The following GALNT18 variants were observed in gnomAD, a reference collection of about 807,000 sequenced individuals.
The protein encoded by GALNT18 is GalNAc-transferase 18.
In GALNT18, 44 loss-of-function variants were observed where a neutral mutation model predicts 69.5. The observed-to-expected ratio is 0.63, with a 90% confidence interval of 0.50 to 0.81. The LOEUF (loss-of-function observed/expected upper bound fraction) is 0.81, where lower values mean the gene tolerates loss of function less well. Among genes scored for constraint, GALNT18 ranks in the 40% least tolerant of loss-of-function variants. The pLI is 0.00. For synonymous variants in GALNT18, 364 were observed against 318.2 expected (o/e 1.14, Z -1.53); for missense variants, 715 against 810.0 (o/e 0.88, Z 1.42).
chr11:11,428,142 G>A (rs1032081738), intron 3 of GALNT18, among the ~76,000 whole-genome samples: 1 of 152,222 alleles, frequency 6.6e-6, no homozygotes, highest in East Asian at 1.9e-4. Flanking sequence ...AAACATGAAA[G>A]TCTTGCACTG....
chr11:11,415,346 G>A lies in GALNT18; in HGVS notation c.595+17275C>T, dbSNP rs1367814404. On this transcript the variant is annotated intron_variant, in intron 3 of 10. Coordinates refer to ENST00000227756, the MANE Select transcript of GALNT18 (RefSeq NM_198516.3). The surrounding 1 kb of genome is among the most constrained non-coding windows in gnomAD (Gnocchi z 4.1). ...CAGGAATCAGGGCTGGGAAGGGTGG[G>A]GGATGACTTAGAATTCTGCCCACAC... Among the ~76,000 whole-genome samples, 1 of 152,100 alleles carries A rather than the reference G, an allele frequency of 6.6e-6. No homozygotes were observed. The highest frequency in any genetic ancestry group is 1.5e-5 in the Non-Finnish European group (1 of 68,008).
At chr11:11,512,810 C>T (rs1236603143) in intron 1 of GALNT18, among the ~76,000 whole-genome samples, 1 of 152,164 alleles carries the variant, frequency 6.6e-6, no homozygotes, top group African/African-American at 2.4e-5. Context: ...ATCACATGGA[C>T]ACCAGGACAC....
intron 1 of GALNT18, among the ~76,000 whole-genome samples, chr11:11,503,716 C>T (rs764792916): frequency 2.0e-4 from 30 of 152,228 alleles, no homozygotes; most frequent in Non-Finnish European, 4.1e-4. Context: ...GAGAAAGCTT[C>T]GCCACCTTCT....
In GALNT18 at chr11:11,592,213, G is replaced by A. The variant is rs371579381; in HGVS notation, c.235+29146C>T. The stretch of plus-strand genomic sequence containing the variant: ...CATCATCAATCTGTCTCTGGCAGGC[G>A]TTTTTCTATTTAATGACTCTAAAGA... On this transcript the variant is annotated intron_variant, in intron 1 of 10. Transcript: ENST00000227756. This position sits in a 1 kb window ranked among gnomAD's most constrained non-coding sequence, Gnocchi z 5.9. Among the ~76,000 whole-genome samples the A allele has an allele frequency of 6.6e-6, 1 of 152,042 alleles. No individual in the cohort carries two copies. Among genetic ancestry groups the A allele is most frequent in the Non-Finnish European group, 1.5e-5 (1 of 68,020 alleles).
rs953384849 is a variant in GALNT18 at position 11,465,836 on chromosome 11, G to T, written c.236-16900C>A. On this transcript the variant is annotated intron_variant, in intron 1 of 10. Coordinates refer to ENST00000227756, the MANE Select transcript of GALNT18 (RefSeq NM_198516.3). This position sits in a 1 kb window ranked among gnomAD's most constrained non-coding sequence, Gnocchi z 5.7. ...GTACTCAGCTATCTCTAGGGGAGGG[G>T]CTTGCACTGTCATACTGCTGAGTAC... Among the ~76,000 whole-genome samples the T allele has an allele frequency of 1.3e-5, 2 of 152,126 alleles. No homozygotes were observed. Among genetic ancestry groups the T allele is most frequent in the African/African-American group, 4.8e-5 (2 of 41,424 alleles).
At chr11:11,276,520 G>T (rs1355321596) in intron 10 of GALNT18, among the ~76,000 whole-genome samples, 1 of 152,104 alleles carries the variant, frequency 6.6e-6, no homozygotes, top group Non-Finnish European at 1.5e-5. Flanking sequence ...TGAATATCCT[G>T]TATTTCTTTC....
intron 1 of GALNT18, among the ~76,000 whole-genome samples, chr11:11,567,239 A>G (rs10765865): frequency 0.93 from 142,191 of 152,222 alleles, 66,463 homozygotes; most frequent in East Asian, 0.99. Context: ...GACAAAGGTT[A>G]GCAGCAACAC....
At position 11,603,090 on chromosome 11, in the gene GALNT18, G is replaced by A. The variant is rs1194846060; in HGVS notation, c.235+18269C>T. 9.2e-5 allele frequency among the ~76,000 whole-genome samples: 14 copies of A among 152,206 alleles called. No homozygotes were observed. Among genetic ancestry groups the A allele is most frequent in the Admixed American group, 9.2e-4 (14 of 15,280 alleles). On this transcript the variant is annotated intron_variant, in intron 1 of 10. Coordinates refer to ENST00000227756, the MANE Select transcript of GALNT18 (RefSeq NM_198516.3). This position sits in a 1 kb window ranked among gnomAD's most constrained non-coding sequence, Gnocchi z 4.5. ...GGCTGGTACAAAGTCTTCTTTGAAA[G>A]GAGGCAATTCTAAGTTATGTCTTCC...
At position 11,432,205 on chromosome 11, in the gene GALNT18, A is replaced by G. The variant is rs1321893215; in HGVS notation, c.595+416T>C. Among the ~76,000 whole-genome samples the G allele has an allele frequency of 6.6e-6, 1 of 152,208 alleles. No individual in the cohort carries two copies. Among genetic ancestry groups the G allele is most frequent in the African/African-American group, 2.4e-5 (1 of 41,450 alleles). ...TACAACCTCCATCACCACCAGCACC[A>G]TCATCACCACTGCCACTGCTAACAT... is the stretch of plus-strand genomic sequence containing the variant. On this transcript the variant is annotated intron_variant, in intron 3 of 10. Coordinates refer to ENST00000227756, the MANE Select transcript of GALNT18 (RefSeq NM_198516.3). The surrounding 1 kb of genome is among the most constrained non-coding windows in gnomAD (Gnocchi z 5.8).
At chr11:11,484,272 T>C (rs1856595138) in intron 1 of GALNT18, among the ~76,000 whole-genome samples, 1 of 151,862 alleles carries the variant, frequency 6.6e-6, no homozygotes, top group African/African-American at 2.4e-5. Flanking sequence ...CCTAAGCTAG[T>C]TCTGAGCAAT....
chr11:11,548,387 T>C (rs1210302424), intron 1 of GALNT18, among the ~76,000 whole-genome samples: 1 of 152,206 alleles, frequency 6.6e-6, no homozygotes, highest in Non-Finnish European at 1.5e-5. Flanking sequence ...AGGAAACATC[T>C]TTCCAACACC....
chr11:11,433,268 C>A (rs1037197856), intron 2 of GALNT18, among the ~76,000 whole-genome samples: 1 of 152,212 alleles, frequency 6.6e-6, no homozygotes, highest in African/African-American at 2.4e-5. Context: ...CCCTTTACTC[C>A]AGAAGGCATA....
At chr11:11,599,748 T>C (rs1384395894) in intron 1 of GALNT18, among the ~76,000 whole-genome samples, 1 of 151,992 alleles carries the variant, frequency 6.6e-6, no homozygotes, top group Non-Finnish European at 1.5e-5. Context: ...ATTTTTAACA[T>C]TTCTTTTTTC....
Position 11,320,304 on chromosome 11 carries a change from T to A in GALNT18, c.1512+6782A>T, listed in dbSNP as rs549842583. 9.2e-5 allele frequency among the ~76,000 whole-genome samples: 14 copies of A among 152,320 alleles called. No individual in the cohort carries two copies. Among genetic ancestry groups the A allele is most frequent in the African/African-American group, 3.4e-4 (14 of 41,582 alleles). On this transcript the variant is annotated intron_variant, in intron 9 of 10. Transcript: ENST00000227756. This position sits in a 1 kb window ranked among gnomAD's most constrained non-coding sequence, Gnocchi z 4.9. ...GGTCTATATTCCCTAGGCAACAATG[T>A]AAAGTGCCACCTCCATCTCCTGCAG...
At position 11,408,583 on chromosome 11, in the gene GALNT18, A is replaced by G. The variant is rs370424637; in HGVS notation, c.595+24038T>C. Reference sequence around the variant, plus strand: ...CACCTGTTGTGACTCCTACTCTCCCACTTAAACAAATGTTTCTTATATAAA... The same window carrying G: ...CACCTGTTGTGACTCCTACTCTCCCGCTTAAACAAATGTTTCTTATATAAA... On this transcript the variant is annotated intron_variant, in intron 3 of 10. Transcript: ENST00000227756. Among the ~76,000 whole-genome samples the G allele has an allele frequency of 4.6e-5, 7 of 151,914 alleles. No homozygotes were observed. The South Asian group carries it at 1.5e-3, about 32-fold the overall frequency.
At chr11:11,525,464 T>C (rs958025628) in intron 1 of GALNT18, among the ~76,000 whole-genome samples, 1 of 151,896 alleles carries the variant, frequency 6.6e-6, no homozygotes, top group Admixed American at 6.6e-5. Flanking sequence ...AGTGGCGAAA[T>C]CGGTAAGACT....
In GALNT18 at chr11:11,538,119, T is replaced by C. The variant is rs1429623523; in HGVS notation, c.235+83240A>G. On this transcript the variant is annotated intron_variant, in intron 1 of 10. Coordinates refer to ENST00000227756, the MANE Select transcript of GALNT18 (RefSeq NM_198516.3). The surrounding 1 kb of genome is among the most constrained non-coding windows in gnomAD (Gnocchi z 5.2). ...TGCTGGAGTTATCATCGACCTTGTT[T>C]TGCAGAGGGTGAAATTCAGGCTGGA... 6.6e-6 allele frequency among the ~76,000 whole-genome samples: 1 copy of C among 152,196 alleles called. No individual in the cohort carries two copies. The highest frequency in any genetic ancestry group is 1.5e-5 in the Non-Finnish European group (1 of 68,042).
rs1857887566 is a variant in GALNT18, at chr11:11,540,393, T to G, written c.235+80966A>C. Among the ~76,000 whole-genome samples the G allele has an allele frequency of 6.6e-6, 1 of 152,106 alleles. No individual in the cohort carries two copies. On this transcript the variant is annotated intron_variant, in intron 1 of 10. Transcript: ENST00000227756. This position sits in a 1 kb window ranked among gnomAD's most constrained non-coding sequence, Gnocchi z 4.6. ...GCCAAGAGCCCTGGGTGGTTTGGGT[T>G]TGTTTTGTCCATACCCACACCGTGT...
Position 11,606,445 on chromosome 11 carries a change from A to T in GALNT18, c.235+14914T>A, listed in dbSNP as rs1197368059. On this transcript the variant is annotated intron_variant, in intron 1 of 10. Coordinates refer to ENST00000227756, the MANE Select transcript of GALNT18 (RefSeq NM_198516.3). The surrounding 1 kb of genome is among the most constrained non-coding windows in gnomAD (Gnocchi z 5.4). ...GATTAAACAGTGCTAAACATCTGGTACATGGCTGATAAATGTGAATTTTCT... is the reference window on the plus strand; with the variant it reads ...GATTAAACAGTGCTAAACATCTGGTTCATGGCTGATAAATGTGAATTTTCT... 6.6e-6 allele frequency among the ~76,000 whole-genome samples: 1 copy of T among 152,246 alleles called. No homozygotes were observed. Among genetic ancestry groups the T allele is most frequent in the Non-Finnish European group, 1.5e-5 (1 of 68,046 alleles).
Sources: allele counts gnomAD v4.1 joint callset (sites outside exome capture counted in the v4.1 genomes callset), GRCh38; gene constraint gnomAD v4.1.1; non-coding constraint Gnocchi (gnomAD v3.1); transcripts MANE v1.5; gene names NCBI Gene and HGNC (gene_info 2026-07-23, HGNC 2026-07-21).